Variants in KLRG1 observed in about 807,000 individuals in gnomAD.
KLRG1 encodes killer cell lectin like receptor G1.
Under a neutral mutation model 21.8 loss-of-function variants are expected in KLRG1, and 16 were observed. That is an observed-to-expected ratio of 0.73 (90% CI 0.50 to 1.11). The LOEUF (loss-of-function observed/expected upper bound fraction) is 1.11, where lower values mean the gene tolerates loss of function less well. KLRG1 is among the 50% of genes most tolerant of loss of function. The pLI is 0.00. For missense variants in KLRG1, 173 were observed against 218.3 expected (o/e 0.79, Z 1.31); for synonymous variants, 69 against 75.9 (o/e 0.91, Z 0.47).
chr12:9,089,824 TA>T, the KLRG1 span: 6 of 966,888 alleles, frequency 6.2e-6, 1 homozygote, highest in South Asian at 1.5e-4. Context: ...AATAATATTA[TA>T]AAATATCCAT....
chr12:9,213,983 C>A, the KLRG1 span, among the ~76,000 whole-genome samples: 1 of 151,932 alleles, frequency 6.6e-6, no homozygotes, highest in Non-Finnish European at 1.5e-5. Context: ...GGTTTGTAAT[C>A]GATTTGAGTT....
At chr12:9,006,633 G>T (rs896764252) in intron 3 of KLRG1, among the ~76,000 whole-genome samples, 1 of 152,182 alleles carries the variant, frequency 6.6e-6, no homozygotes, top group Admixed American at 6.5e-5. Flanking sequence ...GGAGAGAAAA[G>T]TTGGATGATT....
At chr12:9,172,387 C>T in the KLRG1 span, among the ~76,000 whole-genome samples, 1 of 152,154 alleles carries the variant, frequency 6.6e-6, no homozygotes, top group African/African-American at 2.4e-5. Context: ...ACTACAAAAA[C>T]ACACTGAAGT....
chr12:9,028,744 A>G, the KLRG1 span: 1 of 547,918 alleles, frequency 1.8e-6, no homozygotes, highest in Admixed American at 2.1e-5. Flanking sequence ...ACCCGGCCTC[A>G]GTGTCTTCTT....
chr12:9,158,088 C>A, the KLRG1 span, among the ~76,000 whole-genome samples: 2 of 152,184 alleles, frequency 1.3e-5, no homozygotes, highest in African/African-American at 4.8e-5. Context: ...GTAGCTGCAA[C>A]TACAGGCACA....
At chr12:9,077,580 G>A in the KLRG1 span, 1 of 1,503,820 alleles carries the variant, frequency 6.6e-7, no homozygotes, top group Non-Finnish European at 9.0e-7. Context: ...CTTTTTTGGT[G>A]CCATCCAGGT....
the KLRG1 span, chr12:9,080,247 C>T: frequency 3.1e-5 from 34 of 1,094,298 alleles, no homozygotes; most frequent in Non-Finnish European, 4.5e-5. Context: ...AGCTCTATGA[C>T]CCAGAAGCTA....
rs767892735 is a variant in KLRG1, at chr12:8,977,736, G to A, written c.-155-14470G>A. Among the ~76,000 whole-genome samples the A allele has an allele frequency of 3.3e-5, 5 of 152,000 alleles. No individual in the cohort carries two copies. In the South Asian group the frequency reaches 1.0e-3, roughly 32 times the overall value. ...TGATTCTTTTCTGTAACACTTAGTGGTTACTTTGAGTCTTGAATAAAATAA... is the reference window on the plus strand; with the variant it reads ...TGATTCTTTTCTGTAACACTTAGTGATTACTTTGAGTCTTGAATAAAATAA... On this transcript the variant is annotated intron_variant, in intron 1 of 4. Coordinates refer to the KLRG1 transcript ENST00000539240.
chr12:9,212,454 A>G, the KLRG1 span, among the ~76,000 whole-genome samples: 1 of 152,134 alleles, frequency 6.6e-6, no homozygotes, highest in Non-Finnish European at 1.5e-5. Context: ...GAAAGTAGCC[A>G]ATCATCTTTT....
chr12:9,001,180 T>G (rs1332284776), intron 3 of KLRG1, among the ~76,000 whole-genome samples: 1 of 152,222 alleles, frequency 6.6e-6, no homozygotes, highest in Non-Finnish European at 1.5e-5. Context: ...GTGAAACATC[T>G]CTAAATTTAA....
chr12:9,073,704 C>T, the KLRG1 span, among the ~76,000 whole-genome samples: 1 of 152,086 alleles, frequency 6.6e-6, no homozygotes. Context: ...ATGAATTGTT[C>T]AGATACATGG....
At chr12:9,033,441 T>TAA in the KLRG1 span, among the ~76,000 whole-genome samples, 1 of 145,860 alleles carries the variant, frequency 6.9e-6, no homozygotes, top group Non-Finnish European at 1.5e-5. Flanking sequence ...TGAGACTCTT[T>TAA]AAAAAAAAAA....
chr12:9,021,952 A>C, the KLRG1 span, among the ~76,000 whole-genome samples: 1 of 152,184 alleles, frequency 6.6e-6, no homozygotes, highest in Non-Finnish European at 1.5e-5. Context: ...ATAGACTCTA[A>C]GATAATGATT....
chr12:9,064,010 A>G, the KLRG1 span, among the ~76,000 whole-genome samples: 1 of 152,198 alleles, frequency 6.6e-6, no homozygotes, highest in Admixed American at 6.5e-5. This position sits in a 1 kb window ranked among gnomAD's most constrained non-coding sequence, Gnocchi z 4.0. Flanking sequence ...TCTTGTTCCC[A>G]TAGCCATACT....
the KLRG1 span, chr12:9,181,045 G>A: frequency 6.2e-7 from 1 of 1,614,202 alleles, no homozygotes; most frequent in South Asian, 1.1e-5. Flanking sequence ...ACAGCACGAA[G>A]GGCACAGAGG....
At chr12:9,212,567 A>T in the KLRG1 span, among the ~76,000 whole-genome samples, 1 of 152,212 alleles carries the variant, frequency 6.6e-6, no homozygotes, top group Non-Finnish European at 1.5e-5. Context: ...ATAACTGTCT[A>T]TGCAAGATAA....
chr12:9,164,307 G>A, the KLRG1 span: 28 of 1,581,010 alleles, frequency 1.8e-5, no homozygotes, highest in Middle Eastern at 1.7e-4. Context: ...AATATGGAAC[G>A]ACACGAACAC....
At chr12:9,049,827 A>C in the KLRG1 span, among the ~76,000 whole-genome samples, 1 of 152,106 alleles carries the variant, frequency 6.6e-6, no homozygotes, top group Admixed American at 6.5e-5. Flanking sequence ...CATATAAAAA[A>C]CGTATTTGAA....
intron 1 of KLRG1, among the ~76,000 whole-genome samples, chr12:8,962,217 A>C (rs1946393366): frequency 6.6e-6 from 1 of 152,108 alleles, no homozygotes; most frequent in Admixed American, 6.5e-5. Flanking sequence ...TTATAAATAC[A>C]CTCCATATGT....
Sources: gnomAD v4.1 joint callset for allele counts (sites outside exome capture counted in the v4.1 genomes callset) on GRCh38, gnomAD v4.1.1 for gene constraint, Gnocchi (gnomAD v3.1) non-coding constraint, MANE v1.5 for transcripts, NCBI Gene and HGNC (gene_info 2026-07-23, HGNC 2026-07-21) for gene names.